CDH8: variants seen among roughly 807,000 people sequenced by gnomAD.
CDH8 encodes cadherin-8.
CDH8 carries 17 observed loss-of-function variants against 68.1 expected under a neutral mutation model. The ratio of observed to expected loss-of-function variants is 0.25; its 90% CI spans 0.17 to 0.37. The LOEUF (loss-of-function observed/expected upper bound fraction) is 0.37. Ranked by LOEUF, CDH8 falls within the 10% of genes least tolerant of loss-of-function variation. CDH8 has a pLI of 1.00. For missense variants in CDH8, 763 were observed against 999.3 expected (o/e 0.76, Z 3.19); for synonymous variants, 372 against 365.1 (o/e 1.02, Z -0.21).
chr16:61,759,834 C>T (rs1464763449), intron 8 of CDH8, among the ~76,000 whole-genome samples: 1 of 152,120 alleles, frequency 6.6e-6, no homozygotes, highest in Non-Finnish European at 1.5e-5. Flanking sequence ...TGAGTTTCTT[C>T]CCCTGGATAT....
intron 8 of CDH8, among the ~76,000 whole-genome samples, chr16:61,788,960 T>G (rs1031368914): frequency 2.6e-5 from 4 of 152,082 alleles, no homozygotes; most frequent in Non-Finnish European, 2.9e-5. Flanking sequence ...ATGATTTAAA[T>G]ATGTGTTTCT....
At chr16:61,681,281 A>C (rs1173461283) in intron 10 of CDH8, among the ~76,000 whole-genome samples, 7 of 151,970 alleles carry the variant, frequency 4.6e-5, no homozygotes, top group Admixed American at 3.9e-4. Context: ...CCAAATGTCC[A>C]TCAGCTGCTG....
At chr16:62,016,215 C>G (rs1051192804) in intron 2 of CDH8, among the ~76,000 whole-genome samples, 28 of 152,202 alleles carry the variant, frequency 1.8e-4, no homozygotes, top group Middle Eastern at 3.4e-3. Context: ...TGTCAGAGTA[C>G]TTATTTCAGT....
chr16:61,855,812 T>C (rs1249101051), intron 4 of CDH8, among the ~76,000 whole-genome samples: 1 of 152,062 alleles, frequency 6.6e-6, no homozygotes, highest in East Asian at 1.9e-4. Flanking sequence ...CACTGTAACT[T>C]TGGCCAAGTT....
At chr16:62,002,111 G>A (rs1965902880) in intron 2 of CDH8, among the ~76,000 whole-genome samples, 3 of 152,104 alleles carry the variant, frequency 2.0e-5, no homozygotes, top group South Asian at 2.1e-4. Context: ...AGTAGATACT[G>A]TAGAATAAAT....
At chr16:61,838,228 T>C (rs1286205829) in intron 4 of CDH8, among the ~76,000 whole-genome samples, 1 of 152,184 alleles carries the variant, frequency 6.6e-6, no homozygotes, top group Non-Finnish European at 1.5e-5. Context: ...CTGATTCTTA[T>C]CAGTCTCTTC....
chr16:61,684,966 T>G (rs1258842045), intron 10 of CDH8, among the ~76,000 whole-genome samples: 1 of 151,964 alleles, frequency 6.6e-6, no homozygotes, highest in Non-Finnish European at 1.5e-5. Context: ...GTGGAGTAGC[T>G]TCCTATTACT....
In CDH8 at chr16:61,922,131, ATTG is replaced by A. The variant is rs986646937; in HGVS notation, c.253-20661_253-20659del. On this transcript the variant is annotated intron_variant, in intron 2 of 11. Coordinates refer to ENST00000577390, the MANE Select transcript of CDH8 (RefSeq NM_001796.5). ...AAAATAAAACGAAGTCTCAATTTCT[ATTG>A]TTGTGTGTGCACACAGCCCCAATAA... is the stretch of plus-strand genomic sequence containing the variant. Among the ~76,000 whole-genome samples, 175 of 152,330 alleles carry A rather than the reference ATTG, an allele frequency of 1.1e-3. 2 individuals are homozygous for A. The highest frequency in any genetic ancestry group is 9.6e-4 in the East Asian group (5 of 5,184).
chr16:61,753,692 T>C (rs1262386621), intron 8 of CDH8, among the ~76,000 whole-genome samples: 7 of 152,110 alleles, frequency 4.6e-5, no homozygotes, highest in Non-Finnish European at 8.8e-5. Context: ...TTTCATAAGA[T>C]AGTTTGGATT....
At chr16:62,028,061 A>AT (rs768513131) in intron 1 of CDH8, among the ~76,000 whole-genome samples, 10,837 of 115,816 alleles carry the variant, frequency 0.094, 650 homozygotes, top group African/African-American at 0.12. Context: ...TGTCAAATCC[A>AT]TTTTTTTTTT....
chr16:61,813,938 G>A (rs577013806), intron 7 of CDH8, among the ~76,000 whole-genome samples: 2 of 152,210 alleles, frequency 1.3e-5, no homozygotes, highest in East Asian at 3.9e-4. Context: ...AGACTATTTA[G>A]CCTATAGCTG....
At chr16:61,856,786 G>A (rs1406101658) in intron 4 of CDH8, among the ~76,000 whole-genome samples, 1 of 152,044 alleles carries the variant, frequency 6.6e-6, no homozygotes, top group Non-Finnish European at 1.5e-5. Flanking sequence ...TACTTTTCAA[G>A]CATCACACAG....
chr16:61,796,265 A>C (rs1030601307), intron 7 of CDH8, among the ~76,000 whole-genome samples: 1 of 152,120 alleles, frequency 6.6e-6, no homozygotes, highest in African/African-American at 2.4e-5. Flanking sequence ...GGTTAAAAAA[A>C]ATCTAGTATT....
chr16:61,947,815 T>C (rs552138048), intron 2 of CDH8, among the ~76,000 whole-genome samples: 1 of 152,264 alleles, frequency 6.6e-6, no homozygotes, highest in African/African-American at 2.4e-5. Flanking sequence ...ATTGGTCAAC[T>C]TACAGAGCTA....
chr16:61,967,805 A>G lies in CDH8; in HGVS notation c.252+53347T>C, dbSNP rs934044863. 2.0e-5 allele frequency among the ~76,000 whole-genome samples: 3 copies of G among 151,942 alleles called. No individual in the cohort carries two copies. In the South Asian group the frequency reaches 6.2e-4, roughly 32 times the overall value. On this transcript the variant is annotated intron_variant, in intron 2 of 11. Transcript: ENST00000577390. ...AGTTGAATTTAAATTGAGATTATTT[A>G]TTTATTTATTTATTTCGTTTGAGAC...
At chr16:61,665,411 C>A (rs1292000432) in intron 10 of CDH8, among the ~76,000 whole-genome samples, 2 of 151,948 alleles carry the variant, frequency 1.3e-5, no homozygotes, top group Non-Finnish European at 2.9e-5. Context: ...GAACAGAAAA[C>A]CAAACACCGC....
At chr16:61,768,078 G>T (rs1311936961) in intron 8 of CDH8, among the ~76,000 whole-genome samples, 1 of 151,992 alleles carries the variant, frequency 6.6e-6, no homozygotes, top group African/African-American at 2.4e-5. Context: ...ATGGTGGAAT[G>T]GTAGCTGTTA....
chr16:61,862,851 A>G (rs918210411), intron 3 of CDH8, among the ~76,000 whole-genome samples: 15 of 152,174 alleles, frequency 9.9e-5, no homozygotes, highest in Non-Finnish European at 5.9e-5. Context: ...TGTGATAAAT[A>G]GGACCCTGAG....
intron 4 of CDH8, among the ~76,000 whole-genome samples, chr16:61,826,212 G>A (rs1010625699): frequency 4.6e-5 from 7 of 151,718 alleles, no homozygotes; most frequent in African/African-American, 1.7e-4. Flanking sequence ...AAACTTCCTT[G>A]TCACTGCATA....
Sources: gnomAD v4.1 joint callset for allele counts (sites outside exome capture counted in the v4.1 genomes callset) on GRCh38, gnomAD v4.1.1 for gene constraint, MANE v1.5 for transcripts, NCBI Gene and HGNC (gene_info 2026-07-23, HGNC 2026-07-21) for gene names.